Variants in GABRB3 observed in about 807,000 individuals in gnomAD.
GABRB3 encodes gamma-aminobutyric acid receptor subunit beta-3.
In GABRB3, 14 loss-of-function variants were observed where a neutral mutation model predicts 52.1. The ratio of observed to expected loss-of-function variants is 0.27; its 90% CI spans 0.18 to 0.42. The LOEUF (loss-of-function observed/expected upper bound fraction) is 0.42. Among genes scored for constraint, GABRB3 ranks in the 10% least tolerant of loss-of-function variants. The probability of loss-of-function intolerance (pLI) is 1.00; values close to 1 mark genes in which losing one functional copy is unlikely to be tolerated. For missense variants in GABRB3, 307 were observed against 609.1 expected, an observed-to-expected ratio of 0.50 and a Z score of 5.22; for synonymous variants, 260 against 232.3, an observed-to-expected ratio of 1.12 and a Z score of -1.08.
At chr15:26,605,989 G>A (rs1891775974) in intron 4 of GABRB3, among the ~76,000 whole-genome samples, 1 of 152,102 alleles carries the variant, frequency 6.6e-6, no homozygotes. Context: ...CAGAACATGG[G>A]GAAGAGAGAG....
intron 3 of GABRB3, among the ~76,000 whole-genome samples, chr15:26,749,524 A>G (rs1890443207): frequency 1.3e-5 from 2 of 152,198 alleles, no homozygotes; most frequent in African/African-American, 4.8e-5. Flanking sequence ...TATAAGTGTC[A>G]ATCAAATCCT....
chr15:26,736,443 AAAT>A (rs1435468146), intron 3 of GABRB3, among the ~76,000 whole-genome samples: 2 of 152,254 alleles, frequency 1.3e-5, no homozygotes, highest in Non-Finnish European at 2.9e-5. Context: ...ACAGGGAAGG[AAAT>A]AATAAAACAT....
At chr15:26,625,745 C>T (rs373708794) in intron 3 of GABRB3, among the ~76,000 whole-genome samples, 8 of 152,160 alleles carry the variant, frequency 5.3e-5, no homozygotes, top group African/African-American at 1.7e-4. Context: ...CCAAGCTGGC[C>T]ACTCTGCGGC....
intron 3 of GABRB3, among the ~76,000 whole-genome samples, chr15:26,713,377 A>G (rs192712922): frequency 6.6e-6 from 1 of 152,102 alleles, no homozygotes; most frequent in African/African-American, 2.4e-5. Flanking sequence ...GAGGATGGAC[A>G]GGCAGAGAGT....
In GABRB3 at chr15:26,547,094, T is replaced by G. The variant is rs1889275918; in HGVS notation, c.*699A>C. On this transcript the variant is annotated 3_prime_UTR_variant, in exon 9 of 9. Transcript: ENST00000311550. ...GAGATGCCATTCACTCCCGATGAGTTTTCAAAAGACGGTCGTTCAGACATC... is the reference window on the plus strand; with the variant it reads ...GAGATGCCATTCACTCCCGATGAGTGTTCAAAAGACGGTCGTTCAGACATC... The G allele has an allele frequency of 6.4e-6, 1 of 156,998 alleles. No homozygotes were observed. The highest frequency in any genetic ancestry group is 2.4e-5 in the African/African-American group (1 of 41,634). The allele number at this position is 156,998 out of a possible 1,614,324, so 9.7% of individuals were successfully genotyped here. A position where few individuals can be genotyped will look rare whatever the true frequency, so the allele number is the denominator to read the frequency against.
At chr15:26,671,422 CAAG>C (rs1236291190) in intron 3 of GABRB3, among the ~76,000 whole-genome samples, 2 of 152,150 alleles carry the variant, frequency 1.3e-5, no homozygotes, top group African/African-American at 4.8e-5. Flanking sequence ...GCCGGAAGGA[CAAG>C]AAGACCAGCT....
At chr15:26,565,044 A>G (rs935695988) in intron 7 of GABRB3, among the ~76,000 whole-genome samples, 5 of 152,218 alleles carry the variant, frequency 3.3e-5, no homozygotes, top group African/African-American at 1.2e-4. Flanking sequence ...AACTGGAGCA[A>G]TAATACTTCG....
At chr15:26,732,196 G>A (rs933254845) in intron 3 of GABRB3, among the ~76,000 whole-genome samples, 1 of 150,934 alleles carries the variant, frequency 6.6e-6, no homozygotes, top group African/African-American at 2.4e-5. Flanking sequence ...ATGTATAGAT[G>A]GATGGGTGGA....
chr15:26,641,619 G>A (rs1249303485), intron 3 of GABRB3, among the ~76,000 whole-genome samples: 1 of 152,196 alleles, frequency 6.6e-6, no homozygotes, highest in East Asian at 1.9e-4. Flanking sequence ...GATCACATCT[G>A]CCTCTGGTCA....
At chr15:26,555,500 G>T (rs1176995624) in intron 8 of GABRB3, among the ~76,000 whole-genome samples, 2 of 152,186 alleles carry the variant, frequency 1.3e-5, no homozygotes, top group African/African-American at 2.4e-5. Flanking sequence ...ACGAACGTGG[G>T]TCTCTAAGGC....
intron 6 of GABRB3, 60 bp from the exon 7 acceptor site, chr15:26,567,793 G>A: frequency 6.5e-7 from 1 of 1,547,338 alleles, no homozygotes; most frequent in East Asian, 2.2e-5. Flanking sequence ...TAAAGAGTTT[G>A]CTTTGACTTC....
chr15:26,686,373 A>C (rs1888406196), intron 3 of GABRB3, among the ~76,000 whole-genome samples: 1 of 152,212 alleles, frequency 6.6e-6, no homozygotes, highest in Non-Finnish European at 1.5e-5. Context: ...TGAAGTTTTC[A>C]GGGGGCATTC....
chr15:26,567,913 T>A (rs1049171975), intron 6 of GABRB3, among the ~76,000 whole-genome samples, 180 bp from the exon 7 acceptor site: 1 of 152,026 alleles, frequency 6.6e-6, no homozygotes, highest in African/African-American at 2.4e-5. Context: ...AGGAGGGGGG[T>A]GCTTTTCGGT....
intron 3 of GABRB3, among the ~76,000 whole-genome samples, chr15:26,675,173 T>C (rs778411827): frequency 2.0e-5 from 3 of 152,200 alleles, no homozygotes; most frequent in East Asian, 1.9e-4. Flanking sequence ...TGATTTCTCA[T>C]AGCACTGCTA....
intron 3 of GABRB3, among the ~76,000 whole-genome samples, chr15:26,664,712 T>TTTG (rs1887655873): frequency 6.9e-6 from 1 of 144,570 alleles, no homozygotes; most frequent in African/African-American, 2.5e-5. Context: ...TTGTTTTTTT[T>TTTG]TTTTTTTTTT....
chr15:26,773,104 G>C (rs1891204706), upstream of GABRB3: 2 of 876,636 alleles, frequency 2.3e-6, no homozygotes, highest in African/African-American at 1.8e-5. Flanking sequence ...GAGGGGAGGA[G>C]GGGGAGGAGC....
chr15:26,701,813 A>G (rs894274158), intron 3 of GABRB3, among the ~76,000 whole-genome samples: 9 of 152,166 alleles, frequency 5.9e-5, no homozygotes, highest in Non-Finnish European at 1.2e-4. Flanking sequence ...TACAACTAAC[A>G]CCACCTTATT....
chr15:26,713,224 G>T (rs1595545786), intron 3 of GABRB3, among the ~76,000 whole-genome samples: 1 of 152,222 alleles, frequency 6.6e-6, no homozygotes, highest in East Asian at 1.9e-4. Flanking sequence ...AGGTGTCCCA[G>T]GAGGCCGTGA....
chr15:26,732,132 AGATGGATG>A lies in GABRB3; in HGVS notation c.240+40262_240+40269del, dbSNP rs748120956. Among the ~76,000 whole-genome samples, 625 of 151,836 alleles carry A rather than the reference AGATGGATG, an allele frequency of 4.1e-3. 3 individuals are homozygous for A. The highest frequency in any genetic ancestry group is 6.8e-3 in the Non-Finnish European group (462 of 67,914). On this transcript the variant is annotated intron_variant, in intron 3 of 8. Coordinates refer to ENST00000311550, the MANE Select transcript of GABRB3 (RefSeq NM_000814.6). ...TAGATGGATGGACAGACAGATGGAC[AGATGGATG>A]GATGGATGGAAGGATGGATGGATGG...
Sources: gnomAD v4.1 joint callset for allele counts (sites outside exome capture counted in the v4.1 genomes callset) on GRCh38, gnomAD v4.1.1 for gene constraint, MANE v1.5 for transcripts, NCBI Gene and HGNC (gene_info 2026-07-23, HGNC 2026-07-21) for gene names.